SH2D4B: variants seen among roughly 807,000 people sequenced by gnomAD.
The protein encoded by SH2D4B is SH2 domain-containing protein 4B.
SH2D4B carries 45 observed loss-of-function variants against 61.5 expected under a neutral mutation model. That is an observed-to-expected ratio of 0.73 (90% CI 0.58 to 0.94). The LOEUF (loss-of-function observed/expected upper bound fraction) is 0.94. Ranked by LOEUF, SH2D4B falls within the 40% of genes least tolerant of loss-of-function variation. The pLI is 0.00. For missense variants in SH2D4B, 572 were observed against 574.2 expected (o/e 1.00, Z 0.04); for synonymous variants, 224 against 220.4 (o/e 1.02, Z -0.14).
In SH2D4B at chr10:80,644,972, A is replaced by C. The variant is rs1412233692; in HGVS notation, c.*887A>C. 1 of 152,228 alleles carries C rather than the reference A, an allele frequency of 6.6e-6. No homozygotes were observed. Among genetic ancestry groups the C allele is most frequent in the Admixed American group, 6.5e-5 (1 of 15,288 alleles). 9.4% of individuals were successfully genotyped at this position (152,228 alleles called of 1,614,324 possible). ...TCTCAGTATGTTGCTTATATTAACA[A>C]GAAGACTCACGCAATAACTCCTCGA... On this transcript the variant is annotated 3_prime_UTR_variant, in exon 8 of 8. Transcript: ENST00000646907.
At chr10:80,612,198 T>TTTTTTTGC (rs59848195) in intron 6 of SH2D4B, among the ~76,000 whole-genome samples, 1 of 125,206 alleles carries the variant, frequency 8.0e-6, no homozygotes, top group Non-Finnish European at 1.6e-5. Context: ...TTTTTTTTTT[T>TTTTTTTGC]CAACTTTACT....
At chr10:80,568,930 GCTTTTTAA>G (rs1367944746) in intron 1 of SH2D4B, among the ~76,000 whole-genome samples, 3 of 152,186 alleles carry the variant, frequency 2.0e-5, no homozygotes, top group Non-Finnish European at 2.9e-5. Flanking sequence ...ACAGTGTCTA[GCTTTTTAA>G]CTGAATGTTT....
intron 1 of SH2D4B, among the ~76,000 whole-genome samples, chr10:80,563,507 C>A (rs966222829): frequency 3.3e-5 from 5 of 151,948 alleles, no homozygotes; most frequent in Admixed American, 6.6e-5. Context: ...GAGTTTATAG[C>A]CAAAAAATAA....
intron 7 of SH2D4B, among the ~76,000 whole-genome samples, chr10:80,636,995 C>T (rs1333566223): frequency 6.6e-6 from 1 of 152,184 alleles, no homozygotes; most frequent in African/African-American, 2.4e-5. Flanking sequence ...CCAGTTTCAG[C>T]TTTCTACTTA....
chr10:80,603,740 C>T lies in SH2D4B; in HGVS notation c.805C>T (p.Leu269Phe), dbSNP rs760872525. The change falls in exon 5 of 8, where the codon CTC (leucine) becomes TTC (phenylalanine). Residue 269 changes from leucine (L) to phenylalanine (F), a missense_variant. Coordinates refer to ENST00000646907, the MANE Select transcript of SH2D4B (RefSeq NM_001388272.1). The stretch of plus-strand genomic sequence containing the variant: ...CCAGAGCCATGAGCAGGAGGCAAGA[C>T]TCTACCACCACCTCCCCGACCCGGG... ...LGQSHEQEAR[L>F]YHHLPDPGLP... 2 of 1,613,520 alleles carry T rather than the reference C, an allele frequency of 1.2e-6. No individual in the cohort carries two copies. The highest frequency in any genetic ancestry group is 1.1e-5 in the South Asian group (1 of 91,012).
At chr10:80,576,827 ACATGAT>A (rs1370434654) in intron 3 of SH2D4B, among the ~76,000 whole-genome samples, 1 of 151,962 alleles carries the variant, frequency 6.6e-6, no homozygotes, top group African/African-American at 2.4e-5. Flanking sequence ...GAGTGCAGGG[ACATGAT>A]CTTGGCTCAC....
At position 80,539,982 on chromosome 10, in the gene SH2D4B, G is replaced by A. The variant is rs981704639; in HGVS notation, c.184+1467G>A. 1.3e-5 allele frequency among the ~76,000 whole-genome samples: 2 copies of A among 152,050 alleles called. No individual in the cohort carries two copies. The highest frequency in any genetic ancestry group is 1.3e-4 in the Admixed American group (2 of 15,262). ...ACAAGCCACCTTGCCAGCACCACCC[G>A]GCCTGAGCCCTGGGGACTCATGATG... On this transcript the variant is annotated intron_variant, in intron 1 of 7. Coordinates refer to ENST00000646907, the MANE Select transcript of SH2D4B (RefSeq NM_001388272.1). The surrounding 1 kb of genome is among the most constrained non-coding windows in gnomAD (Gnocchi z 4.9).
chr10:80,546,982 A>G (rs961423613), intron 1 of SH2D4B, among the ~76,000 whole-genome samples: 1 of 152,150 alleles, frequency 6.6e-6, no homozygotes, highest in African/African-American at 2.4e-5. Flanking sequence ...GTAACCTCAG[A>G]TTTTAGTTGA....
chr10:80,582,887 G>A (rs976852870), intron 3 of SH2D4B, among the ~76,000 whole-genome samples: 7 of 152,180 alleles, frequency 4.6e-5, no homozygotes, highest in Non-Finnish European at 1.0e-4. Context: ...GAAGGACAGA[G>A]AAGGCACTGA....
intron 5 of SH2D4B, 120 bp from the exon 6 acceptor site, chr10:80,609,304 C>T (rs373219353): frequency 1.4e-5 from 14 of 1,013,800 alleles, no homozygotes; most frequent in Non-Finnish European, 1.7e-5. Context: ...TTCCACCCCC[C>T]CTTCCTCCTC....
intron 6 of SH2D4B, among the ~76,000 whole-genome samples, chr10:80,620,684 C>T (rs1255312754): frequency 6.6e-6 from 1 of 152,212 alleles, no homozygotes; most frequent in Non-Finnish European, 1.5e-5. Flanking sequence ...TGGCAAGTAA[C>T]TCAGTCTCTC....
intron 1 of SH2D4B, among the ~76,000 whole-genome samples, chr10:80,550,714 T>C (rs985053293): frequency 6.6e-6 from 1 of 152,214 alleles, no homozygotes; most frequent in Non-Finnish European, 1.5e-5. Flanking sequence ...ATAGGTGTCT[T>C]TGAATCAATG....
At chr10:80,564,445 G>A (rs901550366) in intron 1 of SH2D4B, among the ~76,000 whole-genome samples, 4 of 152,084 alleles carry the variant, frequency 2.6e-5, no homozygotes, top group African/African-American at 9.7e-5. Context: ...TCTCCACTTG[G>A]CTTGGGATAC....
chr10:80,566,980 C>T (rs1018189393), intron 1 of SH2D4B, among the ~76,000 whole-genome samples: 5 of 152,092 alleles, frequency 3.3e-5, no homozygotes, highest in Admixed American at 1.3e-4. Flanking sequence ...TGCTGTCTTG[C>T]GCATGTAGAA....
At chr10:80,598,346 A>T (rs1170127985) in intron 4 of SH2D4B, among the ~76,000 whole-genome samples, 1 of 152,194 alleles carries the variant, frequency 6.6e-6, no homozygotes, top group Non-Finnish European at 1.5e-5. Context: ...TTAGGGATGG[A>T]GAATGGAAAT....
intron 4 of SH2D4B, among the ~76,000 whole-genome samples, chr10:80,602,282 T>C (rs939961404): frequency 2.6e-5 from 4 of 151,998 alleles, no homozygotes; most frequent in African/African-American, 9.7e-5. Flanking sequence ...CACAACATAG[T>C]GAAGCCCTGT....
At chr10:80,540,307 G>T (rs1841561282) in intron 1 of SH2D4B, among the ~76,000 whole-genome samples, 1 of 152,194 alleles carries the variant, frequency 6.6e-6, no homozygotes, top group Admixed American at 6.5e-5. Flanking sequence ...TGCCACTGGG[G>T]AGCCTGGGGG....
intron 2 of SH2D4B, among the ~76,000 whole-genome samples, 166 bp downstream of exon 2, chr10:80,570,482 A>C (rs1057276298): frequency 2.0e-5 from 3 of 152,228 alleles, no homozygotes; most frequent in Non-Finnish European, 2.9e-5. Context: ...GGCCTCCCAA[A>C]GTGTTGGGAT....
At chr10:80,549,343 C>T (rs1483522903) in intron 1 of SH2D4B, among the ~76,000 whole-genome samples, 1 of 152,084 alleles carries the variant, frequency 6.6e-6, no homozygotes, top group African/African-American at 2.4e-5. Context: ...CCGGTATGGC[C>T]CTGCCGTGCA....
Sources: gnomAD v4.1 joint callset for allele counts (sites outside exome capture counted in the v4.1 genomes callset) on GRCh38, gnomAD v4.1.1 for gene constraint, Gnocchi (gnomAD v3.1) non-coding constraint, MANE v1.5 for transcripts, NCBI Gene and HGNC (gene_info 2026-07-23, HGNC 2026-07-21) for gene names.